The following TRMU variants were observed in gnomAD, a reference collection of about 807,000 sequenced individuals.
The protein encoded by TRMU is mitochondrial tRNA-specific 2-thiouridylase 1.
Under a neutral mutation model 46.9 loss-of-function variants are expected in TRMU, and 49 were observed. The ratio of observed to expected loss-of-function variants is 1.05; its 90% CI spans 0.83 to 1.33. TRMU has a LOEUF of 1.33. Among genes scored for constraint, TRMU ranks in the 40% most tolerant of loss-of-function variants. The pLI, the probability that TRMU is intolerant of heterozygous loss-of-function variation, is 0.00. For missense variants in TRMU, 572 were observed against 532.4 expected (o/e 1.07, Z -0.73); for synonymous variants, 241 against 200.9 (o/e 1.20, Z -1.69).
chr22:46,356,893 C>T lies in TRMU; in HGVS notation c.1153C>T (p.Arg385Trp), dbSNP rs759079438. 1.2e-5 allele frequency: 19 copies of T among 1,613,148 alleles called. No homozygotes were observed. Among genetic ancestry groups the T allele is most frequent in the African/African-American group, 5.3e-5 (4 of 74,938 alleles). ...GTGCCTGGGCAGCGGGAAGATCCTG[C>T]GGCTGGGGCCGTCTGCCTACACGCT... Reference protein sequence around the residue: ...DECLGSGKILRLGPSAYTLQK... With the variant: ...DECLGSGKILWLGPSAYTLQK... The change falls in exon 11 of 11, where the codon CGG becomes TGG. Residue 385 changes from arginine to tryptophan, a missense_variant. Physicochemically the swap from Arg to Trp is moderately radical, Grantham distance 101. Coordinates refer to ENST00000645190, the MANE Select transcript of TRMU (RefSeq NM_018006.5).
At chr22:46,355,613 G>A in intron 9 of TRMU, 25 bp downstream of exon 9, 2 of 1,613,258 alleles carry the variant, frequency 1.2e-6, no homozygotes, top group Non-Finnish European at 8.5e-7. Flanking sequence ...GGCTCCTGAG[G>A]ACGGGCCCCT....
At position 46,337,776 on chromosome 22, in the gene TRMU, C is replaced by G. The variant is rs1366686696; in HGVS notation, c.83-3C>G. The G allele has an allele frequency of 6.2e-7, 1 of 1,614,084 alleles. No homozygotes were observed. The highest frequency in any genetic ancestry group is 2.2e-5 in the East Asian group (1 of 44,908). ...TCTCTTTAATTGACCTTCCCGCCCG[C>G]AGGTTACCAGGTGACAGGGGTGTTT... On this transcript the variant is annotated splice_polypyrimidine_tract_variant and splice_region_variant and intron_variant, in intron 1 of 10. Transcript: ENST00000645190.
intron 3 of TRMU, among the ~76,000 whole-genome samples, chr22:46,345,895 G>A (rs1165376866): frequency 6.6e-6 from 1 of 151,726 alleles, no homozygotes; most frequent in Non-Finnish European, 1.5e-5. Context: ...AGCCTCCCAA[G>A]TGGCTGGGAC....
In TRMU at chr22:46,338,059, A is replaced by G; in HGVS notation, c.248+115A>G. ...TGCTGCAGCCCAGCGCTCTCCCTCCACGGTGGTGCTGAAGACTGCAAGAGG... is the reference window on the plus strand; with the variant it reads ...TGCTGCAGCCCAGCGCTCTCCCTCCGCGGTGGTGCTGAAGACTGCAAGAGG... On this transcript the variant is annotated intron_variant, in intron 2 of 10. Coordinates refer to ENST00000645190, the MANE Select transcript of TRMU (RefSeq NM_018006.5). The surrounding 1 kb of genome is among the most constrained non-coding windows in gnomAD (Gnocchi z 4.5). The G allele has an allele frequency of 6.8e-7, 1 of 1,472,344 alleles. No homozygotes were observed. Among genetic ancestry groups the G allele is most frequent in the African/African-American group, 1.4e-5 (1 of 72,180 alleles). 91.2% of individuals were successfully genotyped at this position (1,472,344 alleles called of 1,614,324 possible).
intron 2 of TRMU, among the ~76,000 whole-genome samples, chr22:46,340,967 G>C (rs1169753493): frequency 6.6e-6 from 1 of 152,250 alleles, no homozygotes; most frequent in Non-Finnish European, 1.5e-5. Flanking sequence ...TCTTTCCGCT[G>C]AAGACTCACT....
intron 2 of TRMU, among the ~76,000 whole-genome samples, chr22:46,341,863 T>C (rs761335580): frequency 3.3e-5 from 5 of 152,154 alleles, no homozygotes; most frequent in Admixed American, 2.0e-4. Flanking sequence ...CACCTGAGGA[T>C]AGTATTTTTG....
rs2147859333 is a variant in TRMU at position 46,339,990 on chromosome 22, A to G, written c.248+2046A>G. The stretch of plus-strand genomic sequence containing the variant: ...TACAGGATAAATCTGGGGGAAGACC[A>G]AAGGCAGAGAGTCTCAGGAAGTGCT... On this transcript the variant is annotated intron_variant, in intron 2 of 10. Transcript: ENST00000645190. This position sits in a 1 kb window ranked among gnomAD's most constrained non-coding sequence, Gnocchi z 4.8. 6.6e-6 allele frequency among the ~76,000 whole-genome samples: 1 copy of G among 152,034 alleles called. No individual in the cohort carries two copies. The highest frequency in any genetic ancestry group is 2.1e-4 in the South Asian group (1 of 4,810).
In TRMU at chr22:46,336,064, G is replaced by A; in HGVS notation, c.82+218G>A. 13 of 1,396,268 alleles carry A rather than the reference G, an allele frequency of 9.3e-6. No homozygotes were observed. The highest frequency in any genetic ancestry group is 1.1e-5 in the Non-Finnish European group (12 of 1,079,416). The allele number at this position is 1,396,268 out of a possible 1,614,324, so 86.5% of individuals were successfully genotyped here. On this transcript the variant is annotated intron_variant, in intron 1 of 10. Coordinates refer to ENST00000645190, the MANE Select transcript of TRMU (RefSeq NM_018006.5). This position sits in a 1 kb window ranked among gnomAD's most constrained non-coding sequence, Gnocchi z 4.1. The stretch of plus-strand genomic sequence containing the variant: ...CGCGACTGCAGCTCCGACTACCTGG[G>A]AGCAGTTCCGCGCCCCTCTCCACCC...
At position 46,350,298 on chromosome 22, in the gene TRMU, ACTC is replaced by A; in HGVS notation, c.491_493del (p.Leu164del). The A allele has an allele frequency of 6.2e-7, 1 of 1,613,644 alleles. No homozygotes were observed. The highest frequency in any genetic ancestry group is 8.5e-7 in the Non-Finnish European group (1 of 1,179,918). On this transcript the variant is annotated inframe_deletion, in exon 5 of 11. Transcript: ENST00000645190. The surrounding 1 kb of genome is among the most constrained non-coding windows in gnomAD (Gnocchi z 4.6). ...GTTCTTTATTCTTGGCAGCGGTAAAACTCCTCCAGGCAGCTGACAGCTTTAAAG... is the reference window on the plus strand; with the variant it reads ...GTTCTTTATTCTTGGCAGCGGTAAAACTCCAGGCAGCTGACAGCTTTAAAG...
In TRMU at chr22:46,339,715, T is replaced by G. The variant is rs183790241; in HGVS notation, c.248+1771T>G. Among the ~76,000 whole-genome samples the G allele has an allele frequency of 2.6e-5, 4 of 152,282 alleles. No individual in the cohort carries two copies. In the East Asian group the frequency reaches 7.7e-4, roughly 29 times the overall value. On this transcript the variant is annotated intron_variant, in intron 2 of 10. Coordinates refer to ENST00000645190, the MANE Select transcript of TRMU (RefSeq NM_018006.5). The surrounding 1 kb of genome is among the most constrained non-coding windows in gnomAD (Gnocchi z 4.8). ...ATTTAGAGAGATTAAGTAAATTGAC[T>G]ATGGTCACCTAAATAATCAACGGAA...
chr22:46,336,096 G>A lies in TRMU; in HGVS notation c.82+250G>A, dbSNP rs1433854056. The A allele has an allele frequency of 5.9e-6, 8 of 1,364,778 alleles. No homozygotes were observed. In the East Asian group the frequency reaches 9.1e-5, roughly 16 times the overall value. 84.5% of individuals were successfully genotyped at this position (1,364,778 alleles called of 1,614,324 possible). On this transcript the variant is annotated intron_variant, in intron 1 of 10. Transcript: ENST00000645190. This position sits in a 1 kb window ranked among gnomAD's most constrained non-coding sequence, Gnocchi z 4.1. ...TCCGCGCCCCTCTCCACCCACGCGC[G>A]CCCACCCACAGTGAGAAGCCGGCGG... is the stretch of plus-strand genomic sequence containing the variant.
intron 1 of TRMU, among the ~76,000 whole-genome samples, chr22:46,337,224 A>C (rs2078002268): frequency 6.6e-6 from 1 of 152,188 alleles, no homozygotes; most frequent in Non-Finnish European, 1.5e-5. Flanking sequence ...CAGGGTCTGC[A>C]CCTGTGTAGT....
chr22:46,343,628 G>A (rs985318591), intron 3 of TRMU, among the ~76,000 whole-genome samples: 5 of 152,038 alleles, frequency 3.3e-5, no homozygotes, highest in Admixed American at 1.3e-4. Flanking sequence ...CTCCTGCCTC[G>A]GCCTTCCAAA....
At chr22:46,354,330 C>T (rs953037818) in intron 8 of TRMU, 3 of 187,982 alleles carry the variant, frequency 1.6e-5, no homozygotes, top group Admixed American at 1.1e-4. Context: ...AAAGCAGGGC[C>T]GCTCAGTGGC....
chr22:46,340,166 A>G (rs2078084096), intron 2 of TRMU, among the ~76,000 whole-genome samples: 1 of 152,154 alleles, frequency 6.6e-6, no homozygotes. Flanking sequence ...CGGCCCTGGA[A>G]TCTGCTTTAA....
At position 46,357,129 on chromosome 22, in the gene TRMU, A is replaced by C; in HGVS notation, c.*123A>C. 7.0e-7 allele frequency: 1 copy of C among 1,425,058 alleles called. No individual in the cohort carries two copies. Among genetic ancestry groups the C allele is most frequent in the East Asian group, 2.5e-5 (1 of 40,492 alleles). The allele number at this position is 1,425,058 out of a possible 1,614,324, so 88.3% of individuals were successfully genotyped here. ...AAAGCAGAGGAAGCCGGGCTGGCTG[A>C]GGGTCCGAAAAGCCTGCAGGGGCCC... On this transcript the variant is annotated 3_prime_UTR_variant, in exon 11 of 11. Transcript: ENST00000645190.
chr22:46,340,222 T>G (rs921299092), intron 2 of TRMU, among the ~76,000 whole-genome samples: 3 of 152,162 alleles, frequency 2.0e-5, no homozygotes, highest in African/African-American at 7.2e-5. Context: ...GTCAGGGTCT[T>G]TCTTTGAGAA....
chr22:46,355,533 G>T lies in TRMU; in HGVS notation c.963G>T (p.Leu321=), dbSNP rs201210055. ...TTGCGGAGGAGCCTCCCGCAGCACT[G>T]GTCCGGGACAAGATGATGGAGTGCC... The part of the protein sequence containing the change: ...HWIAEEPPAA[L]VRDKMMECHF... Residue 321 remains leucine (L), a synonymous_variant, in exon 9 of 11, where the codon CTG becomes CTT. Transcript: ENST00000645190. 2 of 1,613,300 alleles carry T rather than the reference G, an allele frequency of 1.2e-6. No homozygotes were observed. Among genetic ancestry groups the T allele is most frequent in the South Asian group, 2.2e-5 (2 of 91,092 alleles).
At chr22:46,345,815 T>C (rs1338161167) in intron 3 of TRMU, among the ~76,000 whole-genome samples, 1 of 151,464 alleles carries the variant, frequency 6.6e-6, no homozygotes, top group African/African-American at 2.4e-5. Flanking sequence ...TTGCCCAGAC[T>C]AGAGTGCTGT....
Sources: allele counts gnomAD v4.1 joint callset (sites outside exome capture counted in the v4.1 genomes callset), GRCh38; gene constraint gnomAD v4.1.1; non-coding constraint Gnocchi (gnomAD v3.1); transcripts MANE v1.5; gene names NCBI Gene and HGNC (gene_info 2026-07-23, HGNC 2026-07-21).